Variants in DENND2B observed in about 807,000 individuals in gnomAD.
The protein encoded by DENND2B is DENN domain-containing protein 2B.
DENND2B carries 32 observed loss-of-function variants against 116.0 expected under a neutral mutation model. The ratio of observed to expected loss-of-function variants is 0.28; its 90% CI spans 0.21 to 0.37. DENND2B has a LOEUF of 0.37. DENND2B is among the 10% of genes least tolerant of loss of function. The pLI, the probability that DENND2B is intolerant of heterozygous loss-of-function variation, is 1.00. For missense variants in DENND2B, 1,276 were observed against 1,477.7 expected (o/e 0.86, Z 2.24); for synonymous variants, 588 against 583.9 (o/e 1.01, Z -0.10).
Position 8,730,969 on chromosome 11 carries a change from C to A in DENND2B, c.321G>T (p.Ser107=), listed in dbSNP as rs563347230. The stretch of plus-strand genomic sequence containing the variant: ...CCTTTTGGGCGTCTCTCTTGCACGC[C>A]GAAGGGCTTCTGTCCAAATAACCGA... ...ASFGYLDRSP[S]ACKRDAQKES... Residue 107 remains serine, a synonymous_variant, in exon 3 of 20, where the codon TCG becomes TCT. Coordinates refer to ENST00000313726, the MANE Select transcript of DENND2B (RefSeq NM_213618.2). The surrounding 1 kb of genome is among the most constrained non-coding windows in gnomAD (Gnocchi z 4.1). 3 of 1,614,066 alleles carry A rather than the reference C, an allele frequency of 1.9e-6. No homozygotes were observed. In the South Asian group the frequency reaches 3.3e-5, roughly 18 times the overall value.
At chr11:8,776,278 C>T (rs1438803052) in intron 1 of DENND2B, 2 of 454,474 alleles carry the variant, frequency 4.4e-6, no homozygotes, top group Non-Finnish European at 8.9e-6. Context: ...CACTGGCAGC[C>T]TGGAGTGCTC....
intron 16 of DENND2B, chr11:8,697,930 G>C: frequency 2.0e-6 from 1 of 496,198 alleles, no homozygotes; most frequent in Non-Finnish European, 3.9e-6. Flanking sequence ...GAGGGAGTTC[G>C]AGACCAGCCT....
intron 1 of DENND2B, among the ~76,000 whole-genome samples, chr11:8,806,639 C>A (rs572873179): frequency 4.1e-5 from 6 of 147,776 alleles, no homozygotes; most frequent in African/African-American, 1.2e-4. Flanking sequence ...CACACACACA[C>A]CCAGGAGAGC....
chr11:8,791,765 C>CAAAAAA (rs3055911), intron 1 of DENND2B, among the ~76,000 whole-genome samples: 1 of 147,364 alleles, frequency 6.8e-6, no homozygotes. Flanking sequence ...GACCCTATCT[C>CAAAAAA]AAAAAAAAAA....
chr11:8,745,682 G>A (rs1378564373), intron 2 of DENND2B, among the ~76,000 whole-genome samples: 3 of 152,104 alleles, frequency 2.0e-5, no homozygotes, highest in Non-Finnish European at 4.4e-5. Context: ...TCTGACTTTT[G>A]AGGCTAGCTC....
chr11:8,769,800 CT>C (rs2056538362), intron 1 of DENND2B, among the ~76,000 whole-genome samples: 1 of 152,114 alleles, frequency 6.6e-6, no homozygotes, highest in South Asian at 2.1e-4. Context: ...AAATCTGTCC[CT>C]TATGACATTT....
At chr11:8,696,794 T>C in intron 17 of DENND2B, 128 bp from the exon 18 acceptor site, 1 of 1,414,032 alleles carries the variant, frequency 7.1e-7, no homozygotes, top group Non-Finnish European at 9.5e-7. Context: ...TTCTGGAAGC[T>C]CTTTTTGAGA....
chr11:8,729,904 A>C (rs567203330), intron 3 of DENND2B, 46 bp downstream of exon 3: 15 of 1,593,986 alleles, frequency 9.4e-6, no homozygotes, highest in South Asian at 8.0e-5. Context: ...CATTTAAAAG[A>C]AAGCCACGGT....
chr11:8,856,044 G>T (rs146875791), intron 3 of DENND2B, among the ~76,000 whole-genome samples: 35 of 152,242 alleles, frequency 2.3e-4, no homozygotes, highest in African/African-American at 2.2e-4. Flanking sequence ...TTCAACAACT[G>T]AACACAAACA....
chr11:8,756,724 CACCTCCT>C (rs2053668775), intron 1 of DENND2B, among the ~76,000 whole-genome samples: 1 of 152,198 alleles, frequency 6.6e-6, no homozygotes, highest in Non-Finnish European at 1.5e-5. Context: ...CATTTCTCCC[CACCTCCT>C]ACAAGCAGCC....
chr11:8,880,987 T>C (rs776032673), intron 2 of DENND2B: 2 of 152,204 alleles, frequency 1.3e-5, no homozygotes, highest in Non-Finnish European at 2.9e-5. Context: ...CTTACTCTAC[T>C]TATTTTGAAG....
intron 9 of DENND2B, among the ~76,000 whole-genome samples, chr11:8,711,603 A>T (rs570240725): frequency 1.1e-4 from 16 of 152,156 alleles, no homozygotes; most frequent in Middle Eastern, 6.8e-3. Context: ...GCGGTGGTTC[A>T]TGCCTGTTAA....
At chr11:8,742,188 C>G (rs1184827558) in intron 2 of DENND2B, among the ~76,000 whole-genome samples, 2 of 152,322 alleles carry the variant, frequency 1.3e-5, no homozygotes, top group East Asian at 3.9e-4. Flanking sequence ...GCGTGAGCCA[C>G]TGCGCCCAGC....
chr11:8,840,622 A>G (rs943520548), intron 3 of DENND2B, among the ~76,000 whole-genome samples: 7 of 152,162 alleles, frequency 4.6e-5, no homozygotes, highest in African/African-American at 1.4e-4. Context: ...TCTCCTAAAT[A>G]TCAGTCCCGG....
intron 1 of DENND2B, among the ~76,000 whole-genome samples, chr11:8,758,758 A>C (rs752408288): frequency 9.9e-5 from 15 of 152,200 alleles, no homozygotes; most frequent in Admixed American, 4.6e-4. Flanking sequence ...CCTCCACCGC[A>C]GCGCTGTGCC....
chr11:8,881,046 TC>T, exon 2 of DENND2B: 1 of 152,334 alleles, frequency 6.6e-6, no homozygotes, highest in South Asian at 2.1e-4. Context: ...TCTCATGTCT[TC>T]CTGTTTCCTG....
At chr11:8,815,925 C>T (rs999188320) in intron 4 of DENND2B, among the ~76,000 whole-genome samples, 3 of 152,192 alleles carry the variant, frequency 2.0e-5, no homozygotes, top group Admixed American at 1.3e-4. Context: ...GATGGACCTA[C>T]ATTGTACAAG....
intron 4 of DENND2B, chr11:8,839,199 A>C (rs2062538952): frequency 6.6e-6 from 1 of 152,258 alleles, no homozygotes; most frequent in African/African-American, 2.4e-5. Flanking sequence ...TCATCAGTGG[A>C]ATCAGAAGGA....
At chr11:8,739,091 T>TC (rs2049684152) in intron 2 of DENND2B, among the ~76,000 whole-genome samples, 1 of 152,230 alleles carries the variant, frequency 6.6e-6, no homozygotes, top group African/African-American at 2.4e-5. Flanking sequence ...TTAAAAGGAA[T>TC]TATTATTTGT....
Sources: allele counts gnomAD v4.1 joint callset (sites outside exome capture counted in the v4.1 genomes callset), GRCh38; gene constraint gnomAD v4.1.1; non-coding constraint Gnocchi (gnomAD v3.1); transcripts MANE v1.5; gene names NCBI Gene and HGNC (gene_info 2026-07-23, HGNC 2026-07-21).